TCF7L1: variants seen among roughly 807,000 people sequenced by gnomAD.
The protein encoded by TCF7L1 is transcription factor 7-like 1.
In TCF7L1, 18 loss-of-function variants were observed where a neutral mutation model predicts 63.7. That is an observed-to-expected ratio of 0.28 (90% confidence interval 0.20 to 0.42). The LOEUF (loss-of-function observed/expected upper bound fraction) is 0.42, where lower values mean the gene tolerates loss of function less well. Among genes scored for constraint, TCF7L1 ranks in the 10% least tolerant of loss-of-function variants. The pLI is 1.00. For synonymous variants in TCF7L1, 355 were observed against 340.9 expected, an observed-to-expected ratio of 1.04 and a Z score of -0.46; for missense variants, 654 against 779.3, an observed-to-expected ratio of 0.84 and a Z score of 1.91.
intron 3 of TCF7L1, among the ~76,000 whole-genome samples, chr2:85,266,501 G>A (rs1339118692): frequency 1.3e-5 from 2 of 152,212 alleles, no homozygotes; most frequent in Admixed American, 6.5e-5. Context: ...TTTCCTTGAC[G>A]GCTTGATGCC....
At position 85,300,945 on chromosome 2, in the gene TCF7L1, A is replaced by T. The variant is rs1292589007; in HGVS notation, c.526-1539A>T. Among the ~76,000 whole-genome samples the T allele has an allele frequency of 4.6e-5, 7 of 152,036 alleles. No individual in the cohort carries two copies. In the East Asian group the frequency reaches 1.4e-3, roughly 29 times the overall value. On this transcript the variant is annotated intron_variant, in intron 4 of 11. Coordinates refer to ENST00000282111, the MANE Select transcript of TCF7L1 (RefSeq NM_031283.3). ...TAGGCACACGCCACCATGCCCGGCTAATTTTTGTATTTTTAGTAGAGACAG... is the reference window on the plus strand; with the variant it reads ...TAGGCACACGCCACCATGCCCGGCTTATTTTTGTATTTTTAGTAGAGACAG...
At chr2:85,174,255 G>A (rs1197094846) in intron 3 of TCF7L1, among the ~76,000 whole-genome samples, 3 of 152,186 alleles carry the variant, frequency 2.0e-5, no homozygotes, top group Non-Finnish European at 4.4e-5. Flanking sequence ...TGTGATTGGT[G>A]TCTTTCACTT....
intron 3 of TCF7L1, among the ~76,000 whole-genome samples, chr2:85,216,394 C>T (rs1679711846): frequency 6.6e-6 from 1 of 152,160 alleles, no homozygotes; most frequent in Admixed American, 6.5e-5. Flanking sequence ...CGACAGCCCA[C>T]TTGCCATCTG....
At chr2:85,183,820 C>G (rs974880472) in intron 3 of TCF7L1, among the ~76,000 whole-genome samples, 3 of 152,138 alleles carry the variant, frequency 2.0e-5, no homozygotes, top group African/African-American at 2.4e-5. Context: ...CGGAATGGCT[C>G]CAGCAACTCT....
intron 3 of TCF7L1, among the ~76,000 whole-genome samples, chr2:85,282,514 G>A (rs1050421262): frequency 6.6e-6 from 1 of 152,204 alleles, no homozygotes; most frequent in Non-Finnish European, 1.5e-5. Flanking sequence ...TCCCATGTGC[G>A]AGGCACTGTG....
chr2:85,293,474 C>T (rs989508488), intron 4 of TCF7L1, among the ~76,000 whole-genome samples: 2 of 152,188 alleles, frequency 1.3e-5, no homozygotes, highest in Non-Finnish European at 2.9e-5. Context: ...CCCCAGGAGC[C>T]GAGCAGGTGC....
chr2:85,174,835 C>T (rs2568197), intron 3 of TCF7L1, among the ~76,000 whole-genome samples: 83,667 of 152,100 alleles, frequency 0.55, 24,082 homozygotes, highest in African/African-American at 0.72. Flanking sequence ...GCCTCTGCTC[C>T]TACATCCTTG....
chr2:85,149,982 A>T lies in TCF7L1; in HGVS notation c.441+15532A>T, dbSNP rs943133070. Among the ~76,000 whole-genome samples, 4 of 152,384 alleles carry T rather than the reference A, an allele frequency of 2.6e-5. No individual in the cohort carries two copies. The South Asian group carries it at 6.2e-4, about 24-fold the overall frequency. On this transcript the variant is annotated intron_variant, in intron 3 of 11. Coordinates refer to ENST00000282111, the MANE Select transcript of TCF7L1 (RefSeq NM_031283.3). ...CAAGATACGTTCTAAAAACAAGGACATTCGCCAAAGTGTAATTACTGAAAT... is the reference window on the plus strand; with the variant it reads ...CAAGATACGTTCTAAAAACAAGGACTTTCGCCAAAGTGTAATTACTGAAAT...
At chr2:85,160,675 C>T (rs577824954) in intron 3 of TCF7L1, among the ~76,000 whole-genome samples, 13 of 151,878 alleles carry the variant, frequency 8.6e-5, no homozygotes, top group Non-Finnish European at 1.3e-4. Context: ...AGCAACAGGG[C>T]GAAACCCCAT....
intron 3 of TCF7L1, among the ~76,000 whole-genome samples, chr2:85,212,976 G>A (rs1006492992): frequency 6.6e-6 from 1 of 152,188 alleles, no homozygotes; most frequent in Admixed American, 6.5e-5. Flanking sequence ...TTGTCCCTCA[G>A]CAGAAGAGAA....
Position 85,234,020 on chromosome 2 carries a change from TAAATAGTCAC to T in TCF7L1, c.442-49474_442-49465del, listed in dbSNP as rs1558641534. On this transcript the variant is annotated intron_variant, in intron 3 of 11. Transcript: ENST00000282111. ...GGGAAGATTATGTATATAACTGTTA[TAAATAGTCAC>T]GTAAAGTTTTTGTGTGAGAATATAA... The T allele has an allele frequency of 3.3e-5, 5 of 152,272 alleles. No individual in the cohort carries two copies. In the South Asian group the frequency reaches 8.3e-4, roughly 25 times the overall value. The allele number at this position is 152,272 out of a possible 1,614,324, so 9.4% of individuals were successfully genotyped here.
chr2:85,292,827 C>G (rs1231032000), intron 4 of TCF7L1, among the ~76,000 whole-genome samples: 1 of 152,276 alleles, frequency 6.6e-6, no homozygotes, highest in Non-Finnish European at 1.5e-5. Flanking sequence ...ATCTGGCTGC[C>G]TTAGCCTCCC....
chr2:85,233,393 G>T (rs1680125764), intron 3 of TCF7L1, among the ~76,000 whole-genome samples: 1 of 148,860 alleles, frequency 6.7e-6, no homozygotes. Flanking sequence ...TCGGTTCACT[G>T]CAACCTCCGA....
intron 4 of TCF7L1, among the ~76,000 whole-genome samples, chr2:85,294,405 A>G (rs985345042): frequency 2.0e-5 from 3 of 152,090 alleles, no homozygotes; most frequent in African/African-American, 7.2e-5. Flanking sequence ...GCAGAGTTTG[A>G]TTCAGTGGGT....
chr2:85,196,296 T>C (rs1202277135), intron 3 of TCF7L1, among the ~76,000 whole-genome samples: 1 of 152,226 alleles, frequency 6.6e-6, no homozygotes, highest in East Asian at 1.9e-4. Flanking sequence ...AACTTCGCTA[T>C]ATTGCTTAGG....
rs35034885 is a variant in TCF7L1, at chr2:85,205,537, G to GT, written c.441+71102dup. Among the ~76,000 whole-genome samples the GT allele has an allele frequency of 2.8e-3, 152 of 54,498 alleles. 1 individual carries two copies. The highest frequency in any genetic ancestry group is 8.5e-3 in the Middle Eastern group (1 of 118). The allele number at this position is 54,498 out of a possible 152,430, so 35.8% of individuals were successfully genotyped here. ...GCAGAAATGCTTGTCAGCCCACATT[G>GT]TTTTTTTTTTTTTTTCAATACAGAG... is the stretch of plus-strand genomic sequence containing the variant. On this transcript the variant is annotated intron_variant, in intron 3 of 11. Transcript: ENST00000282111.
chr2:85,247,686 G>A (rs759517358), intron 3 of TCF7L1, among the ~76,000 whole-genome samples: 4 of 152,304 alleles, frequency 2.6e-5, no homozygotes, highest in Middle Eastern at 3.4e-3. Context: ...AAGGTTGCGC[G>A]GGTGTCCTAT....
chr2:85,191,997 G>A (rs1391423355), intron 3 of TCF7L1, among the ~76,000 whole-genome samples: 2 of 152,114 alleles, frequency 1.3e-5, no homozygotes, highest in African/African-American at 2.4e-5. Flanking sequence ...GGAACTTAGT[G>A]CACTTTTGTT....
rs769609896 is a variant in TCF7L1, at chr2:85,305,353, C to G, written c.939C>G (p.Pro313=). The G allele has an allele frequency of 6.2e-6, 10 of 1,613,836 alleles. No homozygotes were observed. Among genetic ancestry groups the G allele is most frequent in the Non-Finnish European group, 8.5e-6 (10 of 1,179,958 alleles). The change falls in exon 8 of 12, where the codon CCC becomes CCG. Residue 313 remains proline (P), a synonymous_variant. Transcript: ENST00000282111. ...TCCCCCACCCTGCCATCGTCTCCCC[C>G]ATCGTCAAGCAGGAACCGGCACCCC... The part of the protein sequence containing the change: ...SGIPHPAIVS[P]IVKQEPAPPS...
Sources: gnomAD v4.1 joint callset for allele counts (sites outside exome capture counted in the v4.1 genomes callset) on GRCh38, gnomAD v4.1.1 for gene constraint, MANE v1.5 for transcripts, NCBI Gene and HGNC (gene_info 2026-07-23, HGNC 2026-07-21) for gene names.